The following SYNE1 variants were observed in gnomAD, a reference collection of about 807,000 sequenced individuals.
SYNE1 encodes the protein spectrin repeat containing nuclear envelope protein 1.
In SYNE1, 616 loss-of-function variants were observed where a neutral mutation model predicts 1,111.0. That is an observed-to-expected ratio of 0.55 (90% CI 0.52 to 0.59). The LOEUF is 0.59. Ranked by LOEUF, SYNE1 falls within the 20% of genes least tolerant of loss-of-function variation. The pLI is 0.00. For missense variants in SYNE1, 10,006 were observed against 10,417.0 expected (o/e 0.96, Z 1.72); for synonymous variants, 3,855 against 3,825.8 (o/e 1.01, Z -0.28).
intron 11 of SYNE1, among the ~76,000 whole-genome samples, chr6:152,489,313 T>G (rs1490757105): frequency 1.3e-5 from 2 of 152,214 alleles, no homozygotes; most frequent in African/African-American, 4.8e-5. Context: ...CACTTGCTGC[T>G]GACAGTGCTG....
chr6:152,571,646 G>A (rs796647884), intron 3 of SYNE1, among the ~76,000 whole-genome samples: 14 of 152,158 alleles, frequency 9.2e-5, no homozygotes, highest in South Asian at 4.1e-4. Context: ...CCCAAAATCC[G>A]TGACTGTAAA....
chr6:152,312,372 G>T, intron 87 of SYNE1, among the ~76,000 whole-genome samples: 1 of 150,702 alleles, frequency 6.6e-6, no homozygotes, highest in Non-Finnish European at 1.5e-5. Context: ...GCCACGCCCA[G>T]CTAATTTTGT....
intron 127 of SYNE1, among the ~76,000 whole-genome samples, chr6:152,189,668 G>A (rs568483956): frequency 6.6e-6 from 1 of 152,274 alleles, no homozygotes; most frequent in South Asian, 2.1e-4. Flanking sequence ...ATACTATTGT[G>A]TATAAAATGT....
chr6:152,418,032 T>C (rs553052338), intron 40 of SYNE1, among the ~76,000 whole-genome samples: 41 of 152,340 alleles, frequency 2.7e-4, no homozygotes, highest in Non-Finnish European at 4.4e-4. Flanking sequence ...TTCCATTAAA[T>C]AGAAATTATC....
chr6:152,387,124 G>A lies in SYNE1; in HGVS notation c.8435C>T (p.Thr2812Ile). ...EKTEDESFKD[T>I]AQEELKTQFN... Reference sequence around the variant, plus strand: ...CTGTGTTTTCAGCTCCTCTTGAGCTGTGTCCTTGAAAGACTCATCCTCTGT... The same window carrying A: ...CTGTGTTTTCAGCTCCTCTTGAGCTATGTCCTTGAAAGACTCATCCTCTGT... The change falls in exon 54 of 146, where the codon ACA (threonine) becomes ATA (isoleucine). Residue 2812 changes from threonine to isoleucine, a missense_variant. Around this residue, in one of 7 missense-constraint regions of SYNE1, gnomAD observed 4,955 missense variants for 5,017.2 expected, o/e 0.99. Coordinates refer to ENST00000367255, the MANE Select transcript of SYNE1 (RefSeq NM_182961.4). The A allele has an allele frequency of 6.2e-7, 1 of 1,614,196 alleles. No homozygotes were observed. Among genetic ancestry groups the A allele is most frequent in the South Asian group, 1.1e-5 (1 of 91,090 alleles).
At chr6:152,268,243 A>T in intron 99 of SYNE1, 78 bp from the exon 100 acceptor site, 1 of 1,209,298 alleles carries the variant, frequency 8.3e-7, no homozygotes, top group Middle Eastern at 1.9e-4. Flanking sequence ...CTAGCTATAA[A>T]ATTCTCAGAG....
intron 3 of SYNE1, among the ~76,000 whole-genome samples, chr6:152,619,950 A>C (rs2099671701): frequency 6.6e-6 from 1 of 152,178 alleles, no homozygotes; most frequent in South Asian, 2.1e-4. Context: ...TAACCAGTGA[A>C]TTTCTGAGCA....
At chr6:152,577,189 A>G (rs1188836966) in intron 3 of SYNE1, among the ~76,000 whole-genome samples, 1 of 152,210 alleles carries the variant, frequency 6.6e-6, no homozygotes, top group Non-Finnish European at 1.5e-5. Flanking sequence ...AGTATAATTA[A>G]TGCAGGGCTT....
intron 127 of SYNE1, among the ~76,000 whole-genome samples, chr6:152,199,183 T>C (rs1051490099): frequency 3.1e-4 from 37 of 120,782 alleles, no homozygotes; most frequent in African/African-American, 9.6e-4. Flanking sequence ...TGATTTAAAA[T>C]TTTTTTTTCC....
At chr6:152,228,451 C>A (rs12528883) in intron 115 of SYNE1, among the ~76,000 whole-genome samples, 1 of 151,680 alleles carries the variant, frequency 6.6e-6, no homozygotes, top group East Asian at 1.9e-4. Flanking sequence ...AGGTGTCTCC[C>A]TGTTAAATAG....
intron 3 of SYNE1, among the ~76,000 whole-genome samples, chr6:152,570,153 A>G (rs2099441884): frequency 6.6e-6 from 1 of 152,244 alleles, no homozygotes; most frequent in Admixed American, 6.5e-5. Flanking sequence ...GATCATTATG[A>G]AATCACAGCA....
At chr6:152,206,417 C>A in intron 125 of SYNE1, 55 bp from the exon 126 acceptor site, 1 of 1,599,944 alleles carries the variant, frequency 6.3e-7, no homozygotes, top group Non-Finnish European at 8.5e-7. Flanking sequence ...CGTTTCCTTC[C>A]CATAAGGATT....
At chr6:152,244,715 T>C (rs1467821750) in intron 105 of SYNE1, 59 bp from the exon 106 acceptor site, 2 of 1,605,232 alleles carry the variant, frequency 1.2e-6, no homozygotes, top group Non-Finnish European at 1.7e-6. Context: ...CCACGGAAGA[T>C]GTGATTATTG....
intron 55 of SYNE1, among the ~76,000 whole-genome samples, chr6:152,383,931 A>T (rs1591603699): frequency 6.6e-6 from 1 of 152,332 alleles, no homozygotes; most frequent in South Asian, 2.1e-4. Context: ...AGGTGGTAAT[A>T]GTCCTGTGGA....
chr6:152,372,385 C>T (rs1245126563), intron 59 of SYNE1, among the ~76,000 whole-genome samples: 1 of 152,090 alleles, frequency 6.6e-6, no homozygotes, highest in Non-Finnish European at 1.5e-5. Flanking sequence ...ATAATGGTCA[C>T]AAACAAATGA....
Position 152,451,211 on chromosome 6 carries a change from T to A in SYNE1, c.3028-6A>T. 6.2e-7 allele frequency: 1 copy of A among 1,613,652 alleles called. No individual in the cohort carries two copies. Among genetic ancestry groups the A allele is most frequent in the Non-Finnish European group, 8.5e-7 (1 of 1,179,808 alleles). On this transcript the variant is annotated splice_region_variant and splice_polypyrimidine_tract_variant and intron_variant, in intron 25 of 145. Coordinates refer to ENST00000367255, the MANE Select transcript of SYNE1 (RefSeq NM_182961.4). Reference sequence around the variant, plus strand: ...GGGGCTTCTCCTTGAAGATCCTACATTCCATAGGAAGATTCAGAAAATTAG... The same window carrying A: ...GGGGCTTCTCCTTGAAGATCCTACAATCCATAGGAAGATTCAGAAAATTAG...
intron 95 of SYNE1, among the ~76,000 whole-genome samples, chr6:152,289,781 C>T (rs1174337492): frequency 2.6e-5 from 4 of 152,200 alleles, no homozygotes; most frequent in Non-Finnish European, 5.9e-5. Context: ...CGCCCACCAC[C>T]ATGCCTGGCT....
At chr6:152,130,640 T>C (rs2055290454) in intron 145 of SYNE1, 80 bp downstream of exon 145, 1 of 1,460,544 alleles carries the variant, frequency 6.8e-7, no homozygotes, top group East Asian at 2.3e-5. Flanking sequence ...AGACCAGATA[T>C]AGGTCAACCT....
chr6:152,555,934 A>G (rs1294458083), intron 3 of SYNE1, among the ~76,000 whole-genome samples: 2 of 152,216 alleles, frequency 1.3e-5, no homozygotes, highest in East Asian at 3.8e-4. Flanking sequence ...AAAATGGTTC[A>G]GCTACCTATG....
Sources: gnomAD v4.1 joint callset for allele counts (sites outside exome capture counted in the v4.1 genomes callset) on GRCh38, gnomAD v4.1.1 for gene constraint, gnomAD v4.1.1 regional missense constraint, MANE v1.5 for transcripts, NCBI Gene and HGNC (gene_info 2026-07-23, HGNC 2026-07-21) for gene names.